The following MORF4L2 variants were observed in gnomAD, a reference collection of about 807,000 sequenced individuals.
MORF4L2 encodes mortality factor 4-like protein 2.
Under a neutral mutation model 12.0 loss-of-function variants are expected in MORF4L2, and 1 was observed. The ratio of observed to expected loss-of-function variants is 0.08; its 90% CI spans 0.03 to 0.40. The LOEUF (loss-of-function observed/expected upper bound fraction) is 0.40, where lower values mean the gene tolerates loss of function less well. Among genes scored for constraint, MORF4L2 ranks in the 10% least tolerant of loss-of-function variants. The pLI is 0.98. For missense variants in MORF4L2, 123 were observed against 214.0 expected, an observed-to-expected ratio of 0.57 and a Z score of 2.65; for synonymous variants, 69 against 81.6, an observed-to-expected ratio of 0.85 and a Z score of 0.83.
chrX:103,685,560 A>G (rs1180905636), intron 1 of MORF4L2: 2 of 111,368 alleles, frequency 1.8e-5, no homozygotes, highest in African/African-American at 6.5e-5. Context: ...GCTTTCAACA[A>G]TTACCAACTG....
intron 2 of MORF4L2, chrX:103,684,546 AATT>A (rs1438860459): frequency 3.6e-5 from 4 of 112,194 alleles, no homozygotes; most frequent in African/African-American, 9.7e-5. Context: ...CAACGGTATT[AATT>A]ATTATTTTTT....
chrX:103,680,205 A>G (rs865910178), intron 2 of MORF4L2, among the ~76,000 whole-genome samples: 2 of 111,908 alleles, frequency 1.8e-5, no homozygotes, highest in African/African-American at 6.6e-5. Flanking sequence ...CAAATAAATA[A>G]ATATGCATGC....
At position 103,675,898 on chromosome X, in the gene MORF4L2, A is replaced by G; in HGVS notation, c.*263T>C. 1 of 276,099 alleles carries G rather than the reference A, an allele frequency of 3.6e-6. No individual in the cohort carries two copies. Among genetic ancestry groups the G allele is most frequent in the South Asian group, 1.1e-4 (1 of 9,023 alleles). The allele number at this position is 276,099 out of a possible 1,213,427, so 22.8% of individuals were successfully genotyped here. ...GGATAGGAACCACCAGCATTCAAGC[A>G]ATGTTGTCAACTAGGCAATAAAATG... On this transcript the variant is annotated 3_prime_UTR_variant, in exon 4 of 4. Coordinates refer to ENST00000441076, the MANE Select transcript of MORF4L2 (RefSeq NM_012286.3).
At chrX:103,677,102 C>A in intron 3 of MORF4L2, 51 bp from the exon 4 acceptor site, 2 of 957,471 alleles carry the variant, frequency 2.1e-6, no homozygotes, top group Non-Finnish European at 2.8e-6. Context: ...CAACCTTTAA[C>A]TATGTTTCAT....
chrX:103,686,403 A>G (rs1452372386), intron 1 of MORF4L2, among the ~76,000 whole-genome samples: 1 of 111,474 alleles, frequency 9.0e-6, no homozygotes, highest in Non-Finnish European at 1.9e-5. Context: ...CGTGCCTTAT[A>G]CGCACTATTA....
chrX:103,678,730 TACC>T (rs1197058135), intron 2 of MORF4L2, 79 bp from the exon 3 acceptor site: 4 of 113,117 alleles, frequency 3.5e-5, no homozygotes, highest in South Asian at 3.6e-4. Context: ...ATGAATCATA[TACC>T]ACAATTGTAA....
chrX:103,676,080 A>G lies in MORF4L2; in HGVS notation c.*81T>C. 3 of 982,519 alleles carry G rather than the reference A, an allele frequency of 3.1e-6. No homozygotes were observed. Among genetic ancestry groups the G allele is most frequent in the Non-Finnish European group, 4.2e-6 (3 of 721,711 alleles). The allele number at this position is 982,519 out of a possible 1,213,427, so 81.0% of individuals were successfully genotyped here. ...TGTTATACATTAACGATTTTAAAGA[A>G]CATCAATTTTACAAGAAAAAGACTA... is the stretch of plus-strand genomic sequence containing the variant. On this transcript the variant is annotated 3_prime_UTR_variant, in exon 4 of 4. Transcript: ENST00000441076.
At chrX:103,682,004 T>TA (rs1200864796) in intron 2 of MORF4L2, among the ~76,000 whole-genome samples, 2 of 111,575 alleles carry the variant, frequency 1.8e-5, no homozygotes, top group African/African-American at 6.5e-5. Context: ...AGTGAGCATG[T>TA]ATGCCTTCAA....
chrX:103,683,026 G>A (rs2074020844), intron 2 of MORF4L2, among the ~76,000 whole-genome samples: 1 of 111,736 alleles, frequency 8.9e-6, no homozygotes, highest in South Asian at 3.6e-4. Context: ...ATTCTCAGAG[G>A]TATATGGGTC....
At chrX:103,677,193 ATTT>A (rs1461966523) in intron 3 of MORF4L2, 142 bp from the exon 4 acceptor site, 1 of 415,963 alleles carries the variant, frequency 2.4e-6, no homozygotes, top group East Asian at 4.6e-5. Flanking sequence ...TTTATAAGTG[ATTT>A]TTTATTTTTT....
chrX:103,681,661 G>A (rs1418398984), intron 2 of MORF4L2, among the ~76,000 whole-genome samples: 1 of 111,970 alleles, frequency 8.9e-6, no homozygotes, highest in Non-Finnish European at 1.9e-5. Flanking sequence ...CACAAGTTGT[G>A]CCAATTTCTA....
chrX:103,680,666 G>A (rs1053878571), intron 2 of MORF4L2, among the ~76,000 whole-genome samples: 15 of 112,703 alleles, frequency 1.3e-4, no homozygotes, highest in East Asian at 8.3e-4. Flanking sequence ...TGGAATATTT[G>A]CATATGTGTG....
intron 2 of MORF4L2, among the ~76,000 whole-genome samples, chrX:103,683,325 G>A (rs2074031330): frequency 8.9e-6 from 1 of 112,006 alleles, no homozygotes; most frequent in African/African-American, 3.2e-5. Context: ...CCAAAGTGCT[G>A]GGATTACAGG....
At position 103,675,854 on chromosome X, in the gene MORF4L2, A is replaced by G. The variant is rs888631194; in HGVS notation, c.*307T>C. On this transcript the variant is annotated 3_prime_UTR_variant, in exon 4 of 4. Transcript: ENST00000441076. ...TCACATAGCATTAACACATATTAGAAAATTGTGTAGTGTCAAAGGGATAGG... is the reference window on the plus strand; with the variant it reads ...TCACATAGCATTAACACATATTAGAGAATTGTGTAGTGTCAAAGGGATAGG... 1 of 189,478 alleles carries G rather than the reference A, an allele frequency of 5.3e-6. No individual in the cohort carries two copies. 15.6% of individuals were successfully genotyped at this position (189,478 alleles called of 1,213,427 possible). A position where few individuals can be genotyped will look rare whatever the true frequency, so the allele number is the denominator to read the frequency against.
intron 2 of MORF4L2, among the ~76,000 whole-genome samples, chrX:103,679,286 A>G (rs958481359): frequency 9.5e-6 from 1 of 105,443 alleles, no homozygotes; most frequent in African/African-American, 3.5e-5. Context: ...CAGGCAGATC[A>G]CGAGATCAGG....
Position 103,676,772 on chromosome X carries a change from C to T in MORF4L2, c.256G>A (p.Gly86Arg), listed in dbSNP as rs1486240356. 18 of 1,202,580 alleles carry T rather than the reference C, an allele frequency of 1.5e-5. No individual in the cohort carries two copies. Among genetic ancestry groups the T allele is most frequent in the Non-Finnish European group, 2.0e-5 (18 of 893,468 alleles). The part of the protein sequence containing the change: ...RKNKQKTPGN[G>R]DGGSTSEAPQ... Reference sequence around the variant, plus strand: ...GCTTCGCTGGTACTGCCACCATCTCCGTTTCCAGGAGTCTTCTGCTTGTTC... The same window carrying T: ...GCTTCGCTGGTACTGCCACCATCTCTGTTTCCAGGAGTCTTCTGCTTGTTC... The change falls in exon 4 of 4, where the codon GGA becomes AGA. Residue 86 changes from glycine (G) to arginine (R), a missense_variant. Gly to Arg is a moderately radical substitution (Grantham distance 125, BLOSUM62 -2). Coordinates refer to ENST00000441076, the MANE Select transcript of MORF4L2 (RefSeq NM_012286.3).
chrX:103,676,971 CTCT>C lies in MORF4L2; in HGVS notation c.54_56del (p.Glu19del). 8.3e-7 allele frequency: 1 copy of C among 1,208,451 alleles called. No individual in the cohort carries two copies. The highest frequency in any genetic ancestry group is 1.8e-5 in the South Asian group (1 of 56,541). On this transcript the variant is annotated inframe_deletion, in exon 4 of 4. Transcript: ENST00000441076. ...TGCTTCTAGTTGGTTTTTTGAAGTT[CTCT>C]TCTTCTGCAGATTGCTGTCCACGAG...
At chrX:103,681,611 G>A in intron 2 of MORF4L2, among the ~76,000 whole-genome samples, 1 of 111,725 alleles carries the variant, frequency 9.0e-6, no homozygotes, top group East Asian at 2.8e-4. Flanking sequence ...TGAGTCAAGA[G>A]ATAGAACACT....
Position 103,676,236 on chromosome X carries a change from T to G in MORF4L2, c.792A>C (p.Ala264=). ...GYLHDFLKYL[A]KNSASLFTAS... is the part of the protein sequence containing the mutation. ...CAGTAAAGAGAGATGCAGAATTCTT[T>G]GCCAGATATTTTAGGAAATCATGCA... Residue 264 remains alanine (A), a synonymous_variant, in exon 4 of 4, where the codon GCA becomes GCC. Transcript: ENST00000441076. 3.3e-6 allele frequency: 4 copies of G among 1,211,225 alleles called. No homozygotes were observed. The highest frequency in any genetic ancestry group is 3.4e-6 in the Non-Finnish European group (3 of 894,982).
Sources: gnomAD v4.1 joint callset for allele counts (sites outside exome capture counted in the v4.1 genomes callset) on GRCh38, gnomAD v4.1.1 for gene constraint, MANE v1.5 for transcripts, NCBI Gene and HGNC (gene_info 2026-07-23, HGNC 2026-07-21) for gene names.